KMT2B: variants seen among roughly 807,000 people sequenced by gnomAD.
KMT2B encodes the protein histone-lysine N-methyltransferase 2B.
Under a neutral mutation model 255.3 loss-of-function variants are expected in KMT2B, and 22 were observed. That is an observed-to-expected ratio of 0.09 (90% CI 0.06 to 0.12). The LOEUF (loss-of-function observed/expected upper bound fraction) is 0.12. Ranked by LOEUF, KMT2B falls within the 10% of genes least tolerant of loss-of-function variation. KMT2B has a pLI of 1.00. For missense variants in KMT2B, 3,149 were observed against 3,737.0 expected (o/e 0.84, Z 4.10); for synonymous variants, 1,730 against 1,498.1 (o/e 1.15, Z -3.57).
intron 30 of KMT2B, 98 bp from the exon 31 acceptor site, chr19:35,736,592 G>C: frequency 7.0e-7 from 1 of 1,428,236 alleles, no homozygotes; most frequent in Non-Finnish European, 9.6e-7. Flanking sequence ...CTGCGCCTAG[G>C]GGTGGAGAGA....
rs1187192348 is a variant in KMT2B at position 35,728,975 on chromosome 19, TC to T, written c.4688-8del. 3 of 1,613,870 alleles carry T rather than the reference TC, an allele frequency of 1.9e-6. No individual in the cohort carries two copies. The highest frequency in any genetic ancestry group is 1.7e-6 in the Non-Finnish European group (2 of 1,179,824). On this transcript the variant is annotated splice_polypyrimidine_tract_variant and intron_variant, in intron 20 of 36. Transcript: ENST00000420124. ...TGATTCTTAGACCTCCCTTCACATT[TC>T]CTCTTCAGCATTCCAGGGCAAGGAT...
rs1472774865 is a variant in KMT2B, at chr19:35,733,221, T to C, written c.6672T>C (p.Ile2224=). 2.4e-6 allele frequency: 3 copies of C among 1,268,900 alleles called. No homozygotes were observed. The highest frequency in any genetic ancestry group is 2.0e-4 in the Middle Eastern group (1 of 4,912). 78.6% of individuals were successfully genotyped at this position (1,268,900 alleles called of 1,614,324 possible). A position where few individuals can be genotyped will look rare whatever the true frequency, so the allele number is the denominator to read the frequency against. ...AGCAGCCACCTTTGCCCCCCACCAT[T>C]TCCCCCACGGCTCCCACCTCCTGGA... is the stretch of plus-strand genomic sequence containing the variant. ...PVKQPPLPPT[I]SPTAPTSWTL... Residue 2224 remains isoleucine, a synonymous_variant, in exon 28 of 37, where the codon ATT becomes ATC. Coordinates refer to ENST00000420124, the MANE Select transcript of KMT2B (RefSeq NM_014727.3). The surrounding 1 kb of genome is among the most constrained non-coding windows in gnomAD (Gnocchi z 4.3).
chr19:35,736,292 G>A (rs375343590), intron 30 of KMT2B: 1 of 174,690 alleles, frequency 5.7e-6, no homozygotes, highest in African/African-American at 2.4e-5. Context: ...ACAGAAATTT[G>A]CTGCATCTAA....
chr19:35,736,558 G>A (rs978493871), intron 30 of KMT2B, 132 bp from the exon 31 acceptor site: 3 of 1,048,466 alleles, frequency 2.9e-6, no homozygotes, highest in Middle Eastern at 2.4e-4. Flanking sequence ...CAGAAGGAGG[G>A]CCATTAGACC....
Position 35,725,903 on chromosome 19 carries a change from G to A in KMT2B, c.3885+85G>A, listed in dbSNP as rs1227178252. The A allele has an allele frequency of 1.8e-6, 2 of 1,107,152 alleles. No homozygotes were observed. Among genetic ancestry groups the A allele is most frequent in the African/African-American group, 3.1e-5 (2 of 64,158 alleles). The allele number at this position is 1,107,152 out of a possible 1,614,324, so 68.6% of individuals were successfully genotyped here. On this transcript the variant is annotated intron_variant, in intron 13 of 36. Transcript: ENST00000420124. The surrounding 1 kb of genome is among the most constrained non-coding windows in gnomAD (Gnocchi z 4.1). ...ACTTGCTCTAGGCTGGGGCTCTCAG[G>A]AGGAGCAGAGGTTGGGGATCCTCTT...
In KMT2B at chr19:35,731,899, C is replaced by A. The variant is rs1969708043; in HGVS notation, c.5438-9C>A. 2 of 1,606,026 alleles carry A rather than the reference C, an allele frequency of 1.2e-6. No individual in the cohort carries two copies. The highest frequency in any genetic ancestry group is 1.7e-6 in the Non-Finnish European group (2 of 1,172,954). ...CCTACCACCCCAATGCCATTTCTCG[C>A]CTCTTCAGAGCCCCCAGGTGGTGAG... On this transcript the variant is annotated splice_polypyrimidine_tract_variant and intron_variant, in intron 26 of 36. Transcript: ENST00000420124.
chr19:35,729,243 A>C lies in KMT2B; in HGVS notation c.4864A>C (p.Asn1622His), dbSNP rs1258796097. The change falls in exon 22 of 37, where the codon AAC becomes CAC. Residue 1622 changes from asparagine (N) to histidine (H), a missense_variant. Physicochemically the swap from Asn to His is moderately conservative, Grantham distance 68. This residue lies in a region of KMT2B where 14 missense variants were observed against 16.7 expected (regional missense o/e 0.84). Transcript: ENST00000420124. ...AIWSAEVFEE[N>H]DGSLKNVHAA... ...CTGGTCGGCGGAAGTCTTCGAGGAG[A>C]ACGACGGCTCCCTCAAGAATGTGCA... is the stretch of plus-strand genomic sequence containing the variant. 2 of 1,606,780 alleles carry C rather than the reference A, an allele frequency of 1.2e-6. No individual in the cohort carries two copies. Among genetic ancestry groups the C allele is most frequent in the Admixed American group, 3.4e-5 (2 of 58,756 alleles).
chr19:35,725,293 C>T lies in KMT2B; in HGVS notation c.3602C>T (p.Pro1201Leu), dbSNP rs1414381689. Reference protein sequence around the residue: ...SVLTSVPGGPPMVCLLCASKG... With the variant: ...SVLTSVPGGPLMVCLLCASKG... ...CTCACCTCTGTGCCAGGGGGCCCCC[C>T]GATGGTGTGCTTGCTGTGTGCCAGC... is the stretch of plus-strand genomic sequence containing the variant. Residue 1201 changes from proline to leucine, a missense_variant, in exon 11 of 37, where the codon CCG (proline) becomes CTG (leucine). Coordinates refer to ENST00000420124, the MANE Select transcript of KMT2B (RefSeq NM_014727.3). The surrounding 1 kb of genome is among the most constrained non-coding windows in gnomAD (Gnocchi z 4.1). 7 of 1,577,510 alleles carry T rather than the reference C, an allele frequency of 4.4e-6. No homozygotes were observed. The highest frequency in any genetic ancestry group is 2.3e-5 in the South Asian group (2 of 85,184).
Position 35,732,061 on chromosome 19 carries a change from G to T in KMT2B, c.5591G>T (p.Arg1864Leu), listed in dbSNP as rs181607228. Residue 1864 changes from arginine to leucine, a missense_variant, in exon 27 of 37, where the codon CGA becomes CTA. Physicochemically the swap from Arg to Leu is moderately radical, Grantham distance 102 (BLOSUM62 -2). Around this residue, in one of 18 missense-constraint regions of KMT2B, gnomAD observed 897 missense variants for 825.3 expected, o/e 1.09. Coordinates refer to ENST00000420124, the MANE Select transcript of KMT2B (RefSeq NM_014727.3). ...GCCCCCCGTTCTTTTTCGGGGGCTCGAATCAAAGTGCCCAACTACTCGCCA... is the reference window on the plus strand; with the variant it reads ...GCCCCCCGTTCTTTTTCGGGGGCTCTAATCAAAGTGCCCAACTACTCGCCA... ...PPAPRSFSGA[R>L]IKVPNYSPSR... 6.2e-7 allele frequency: 1 copy of T among 1,610,898 alleles called. No individual in the cohort carries two copies. Among genetic ancestry groups the T allele is most frequent in the Admixed American group, 1.7e-5 (1 of 59,690 alleles).
chr19:35,727,280 G>A lies in KMT2B; in HGVS notation c.4117+11G>A, dbSNP rs1189175677. 1 of 1,605,890 alleles carries A rather than the reference G, an allele frequency of 6.2e-7. No individual in the cohort carries two copies. The highest frequency in any genetic ancestry group is 1.1e-5 in the South Asian group (1 of 90,856). Reference sequence around the variant, plus strand: ...GCGAGGGGCTCTCAGGTGAGTCAGTGGAGCACCTGGGCTGCAGCCTCAACC... The same window carrying A: ...GCGAGGGGCTCTCAGGTGAGTCAGTAGAGCACCTGGGCTGCAGCCTCAACC... On this transcript the variant is annotated intron_variant, in intron 15 of 36. Coordinates refer to ENST00000420124, the MANE Select transcript of KMT2B (RefSeq NM_014727.3). The surrounding 1 kb of genome is among the most constrained non-coding windows in gnomAD (Gnocchi z 4.2).
chr19:35,736,849 G>A (rs1317274548), intron 31 of KMT2B, 22 bp downstream of exon 31: 3 of 1,613,940 alleles, frequency 1.9e-6, no homozygotes, highest in Non-Finnish European at 2.5e-6. Flanking sequence ...GAGTGCAGTG[G>A]CAGGAGGGAG....
chr19:35,732,401 T>G lies in KMT2B; in HGVS notation c.5852T>G (p.Leu1951Arg). The G allele has an allele frequency of 6.2e-7, 1 of 1,613,250 alleles. No individual in the cohort carries two copies. The highest frequency in any genetic ancestry group is 8.5e-7 in the Non-Finnish European group (1 of 1,179,536). The change falls in exon 28 of 37, where the codon CTC becomes CGC. Residue 1951 changes from leucine to arginine, a missense_variant. By Grantham distance (102) the Leu-to-Arg change is moderately radical. Transcript: ENST00000420124. Reference protein sequence around the residue: ...VPPPTSVVTALTPTSGELAPP... With the variant: ...VPPPTSVVTARTPTSGELAPP... ...CCTCCTACCTCAGTCGTCACAGCCC[T>G]CACACCTACCTCAGGGGAGCTGGCT... is the stretch of plus-strand genomic sequence containing the variant.
At chr19:35,731,075 G>A (rs761701952) in intron 26 of KMT2B, among the ~76,000 whole-genome samples, 8 of 152,230 alleles carry the variant, frequency 5.3e-5, no homozygotes, top group Non-Finnish European at 7.3e-5. Context: ...AGAGCGGCAC[G>A]CTGCCTACTT....
In KMT2B at chr19:35,732,608, C is replaced by T. The variant is rs867769309; in HGVS notation, c.6059C>T (p.Pro2020Leu). 4.3e-6 allele frequency: 7 copies of T among 1,612,550 alleles called. No homozygotes were observed. The highest frequency in any genetic ancestry group is 2.2e-5 in the East Asian group (1 of 44,876). ...GCCATGGGGAGCAGCCACGGGGGCC[C>T]GGGGGACAGCTCCGAGGAGGAGTCC... ...AGAMGSSHGG[P>L]GDSSEEESSP... The change falls in exon 28 of 37, where the codon CCG becomes CTG. Residue 2020 changes from proline to leucine, a missense_variant. Physicochemically the swap from Pro to Leu is moderately conservative, Grantham distance 98. Transcript: ENST00000420124.
In KMT2B at chr19:35,738,866, G is replaced by A. The variant is rs932701434; in HGVS notation, c.*309G>A. Reference sequence around the variant, plus strand: ...TGGGAACCCCCCCACAATAAAGTCTGTCAATGTTTGGAGAGGTGGTCTTCC... The same window carrying A: ...TGGGAACCCCCCCACAATAAAGTCTATCAATGTTTGGAGAGGTGGTCTTCC... On this transcript the variant is annotated 3_prime_UTR_variant, in exon 37 of 37. Coordinates refer to ENST00000420124, the MANE Select transcript of KMT2B (RefSeq NM_014727.3). The surrounding 1 kb of genome is among the most constrained non-coding windows in gnomAD (Gnocchi z 8.7). 4.2e-6 allele frequency: 2 copies of A among 477,668 alleles called. No homozygotes were observed. The highest frequency in any genetic ancestry group is 3.9e-5 in the African/African-American group (2 of 51,452). The allele number at this position is 477,668 out of a possible 1,614,324, so 29.6% of individuals were successfully genotyped here. A position where few individuals can be genotyped will look rare whatever the true frequency, so the allele number is the denominator to read the frequency against.
In KMT2B at chr19:35,721,210, T is replaced by TGCCCCCCCC; in HGVS notation, c.1863_1864insGCCCCCCCC (p.Pro621_Pro622insAlaProPro). ...CACTGACCCGGGAGCTGCCCCCTCC[T>TGCCCCCCCC]CCCCCAGCCCCTCCACCTCCCCCGG... On this transcript the variant is annotated inframe_insertion, in exon 3 of 37. Coordinates refer to ENST00000420124, the MANE Select transcript of KMT2B (RefSeq NM_014727.3). 1 of 810,690 alleles carries TGCCCCCCCC rather than the reference T, an allele frequency of 1.2e-6. No individual in the cohort carries two copies. Among genetic ancestry groups the TGCCCCCCCC allele is most frequent in the Non-Finnish European group, 1.6e-6 (1 of 624,112 alleles). 50.2% of individuals were successfully genotyped at this position (810,690 alleles called of 1,614,324 possible).
In KMT2B at chr19:35,723,546, G is replaced by C; in HGVS notation, c.3058+44G>C. 6.5e-7 allele frequency: 1 copy of C among 1,527,514 alleles called. No individual in the cohort carries two copies. Among genetic ancestry groups the C allele is most frequent in the Non-Finnish European group, 8.9e-7 (1 of 1,129,314 alleles). 94.6% of individuals were successfully genotyped at this position (1,527,514 alleles called of 1,614,324 possible). On this transcript the variant is annotated intron_variant, in intron 7 of 36. Transcript: ENST00000420124. The surrounding 1 kb of genome is among the most constrained non-coding windows in gnomAD (Gnocchi z 7.5). ...CATTTCTTCTCAAAACCGTGTTAGA[G>C]TTTGTGCTGTGGAGGGAGCTGTTTT... is the stretch of plus-strand genomic sequence containing the variant.
In KMT2B at chr19:35,727,538, C is replaced by G. The variant is rs770838599; in HGVS notation, c.4218C>G (p.Ser1406Arg). The G allele has an allele frequency of 6.2e-7, 1 of 1,608,330 alleles. No homozygotes were observed. Among genetic ancestry groups the G allele is most frequent in the African/African-American group, 1.3e-5 (1 of 75,014 alleles). Residue 1406 changes from serine to arginine, a missense_variant, in exon 16 of 37, where the codon AGC (serine) becomes AGG (arginine). Around this residue, in one of 18 missense-constraint regions of KMT2B, gnomAD observed 377 missense variants for 471.0 expected, o/e 0.80. Coordinates refer to ENST00000420124, the MANE Select transcript of KMT2B (RefSeq NM_014727.3). The surrounding 1 kb of genome is among the most constrained non-coding windows in gnomAD (Gnocchi z 4.2). ...AAQPRWREAL[S>R]GALQGGLRQV... ...AGCCCCGCTGGCGAGAGGCCCTGAG[C>G]GGGGCCCTCCAGGGGGGCCTGCGCC...
intron 8 of KMT2B, 142 bp from the exon 9 acceptor site, chr19:35,724,495 C>T: frequency 1.4e-6 from 1 of 719,694 alleles, no homozygotes; most frequent in Non-Finnish European, 2.4e-6. Flanking sequence ...CGAGACCCTG[C>T]CTCAAAAAAC....
Sources: gnomAD v4.1 joint callset for allele counts (sites outside exome capture counted in the v4.1 genomes callset) on GRCh38, gnomAD v4.1.1 for gene constraint, gnomAD v4.1.1 regional missense constraint, Gnocchi (gnomAD v3.1) non-coding constraint, MANE v1.5 for transcripts, NCBI Gene and HGNC (gene_info 2026-07-23, HGNC 2026-07-21) for gene names.